The following NRG2 variants were observed in gnomAD, a reference collection of about 807,000 sequenced individuals.
NRG2 encodes the protein pro-neuregulin-2, membrane-bound isoform.
A neutral mutation model predicts 73.9 loss-of-function variants in NRG2; 27 were observed. The ratio of observed to expected loss-of-function variants is 0.37; its 90% CI spans 0.27 to 0.50. The LOEUF is 0.50. NRG2 is among the 20% of genes least tolerant of loss of function. NRG2 has a pLI of 0.96. For missense variants in NRG2, 1,126 were observed against 1,210.1 expected, an observed-to-expected ratio of 0.93 and a Z score of 1.03; for synonymous variants, 532 against 541.0, an observed-to-expected ratio of 0.98 and a Z score of 0.23.
intron 1 of NRG2, among the ~76,000 whole-genome samples, chr5:140,033,623 C>A (rs926073191): frequency 2.0e-5 from 3 of 152,192 alleles, no homozygotes; most frequent in Non-Finnish European, 4.4e-5. Context: ...TCTCTTCTCA[C>A]CACCACCTCC....
At chr5:139,953,847 C>A (rs1413657094) in intron 1 of NRG2, among the ~76,000 whole-genome samples, 2 of 152,132 alleles carry the variant, frequency 1.3e-5, no homozygotes, top group Admixed American at 6.5e-5. Context: ...TCCAAGCCCC[C>A]CATCTGACAA....
chr5:139,996,694 T>C (rs1386335526), intron 1 of NRG2, among the ~76,000 whole-genome samples: 1 of 152,370 alleles, frequency 6.6e-6, no homozygotes, highest in East Asian at 1.9e-4. Context: ...CTGTCTAGTG[T>C]GGTCTTTGCC....
chr5:139,920,478 C>G (rs1223830368), intron 1 of NRG2, among the ~76,000 whole-genome samples: 1 of 151,800 alleles, frequency 6.6e-6, no homozygotes, highest in African/African-American at 2.4e-5. Context: ...CAGTATAAAC[C>G]AGAGAAGGCT....
chr5:139,938,854 G>GAC lies in NRG2; in HGVS notation c.701-51344_701-51343insGT, dbSNP rs1211866493. Reference sequence around the variant, plus strand: ...GACAGTCATATACAGAAAGGGAAGAGAGAGAGAGAGAGAGAGAGAGAGAGA... The same window carrying GAC: ...GACAGTCATATACAGAAAGGGAAGAGACAGAGAGAGAGAGAGAGAGAGAGAGA... On this transcript the variant is annotated intron_variant, in intron 1 of 9. Transcript: ENST00000361474. Among the ~76,000 whole-genome samples, 5 of 78,682 alleles carry GAC rather than the reference G, an allele frequency of 6.4e-5. 1 individual carries two copies. The highest frequency in any genetic ancestry group is 3.5e-4 in the Admixed American group (3 of 8,548). The allele number at this position is 78,682 out of a possible 152,430, so 51.6% of individuals were successfully genotyped here. A position where few individuals can be genotyped will look rare whatever the true frequency, so the allele number is the denominator to read the frequency against.
At chr5:140,003,198 G>C (rs552342716) in intron 1 of NRG2, among the ~76,000 whole-genome samples, 1 of 152,258 alleles carries the variant, frequency 6.6e-6, no homozygotes, top group Admixed American at 6.5e-5. Context: ...TGGGAGTCCT[G>C]ACTAAAGAAA....
At chr5:139,890,296 T>C (rs539945347) in intron 1 of NRG2, among the ~76,000 whole-genome samples, 1 of 152,368 alleles carries the variant, frequency 6.6e-6, no homozygotes, top group South Asian at 2.1e-4. Flanking sequence ...TGCCTGTTCA[T>C]GCATGCAGTC....
At position 139,911,760 on chromosome 5, in the gene NRG2, C is replaced by T. The variant is rs543601812; in HGVS notation, c.701-24249G>A. 2.6e-5 allele frequency among the ~76,000 whole-genome samples: 4 copies of T among 152,302 alleles called. No individual in the cohort carries two copies. In the East Asian group the frequency reaches 7.7e-4, roughly 29 times the overall value. Reference sequence around the variant, plus strand: ...GAGAGGTGGGAGCCTGTCTACCTTCCCCAGGATGGGGGGTGATTCAACCCT... The same window carrying T: ...GAGAGGTGGGAGCCTGTCTACCTTCTCCAGGATGGGGGGTGATTCAACCCT... On this transcript the variant is annotated intron_variant, in intron 1 of 9. Transcript: ENST00000361474.
chr5:139,982,136 C>T (rs1053192064), intron 1 of NRG2, among the ~76,000 whole-genome samples: 1 of 152,182 alleles, frequency 6.6e-6, no homozygotes, highest in Non-Finnish European at 1.5e-5. Context: ...CACACCTCCT[C>T]ACTCTAGGGG....
Position 139,851,955 on chromosome 5 carries a change from C to T in NRG2, c.1545-124G>A, listed in dbSNP as rs1761466127. 2.6e-6 allele frequency: 2 copies of T among 769,552 alleles called. No individual in the cohort carries two copies. The highest frequency in any genetic ancestry group is 3.4e-5 in the South Asian group (2 of 58,068). 47.7% of individuals were successfully genotyped at this position (769,552 alleles called of 1,614,324 possible). ...AGCTCCCTTAGCTCAATGCCCTTCT[C>T]CACTCTGGGGTGATGTGTATTGTTG... is the stretch of plus-strand genomic sequence containing the variant. On this transcript the variant is annotated intron_variant, in intron 8 of 9. Transcript: ENST00000361474. This position sits in a 1 kb window ranked among gnomAD's most constrained non-coding sequence, Gnocchi z 4.2.
intron 2 of NRG2, among the ~76,000 whole-genome samples, chr5:139,882,833 T>A (rs1292183051): frequency 6.6e-6 from 1 of 152,076 alleles, no homozygotes; most frequent in Non-Finnish European, 1.5e-5. Flanking sequence ...AAGGAAGGAT[T>A]CCCCACATGC....
intron 5 of NRG2, chr5:139,861,902 G>C: frequency 4.5e-6 from 2 of 440,542 alleles, no homozygotes; most frequent in Non-Finnish European, 9.2e-6. Flanking sequence ...CACCTGGGAC[G>C]CAAAGAGGAT....
chr5:139,962,916 A>G (rs1755189411), intron 1 of NRG2, among the ~76,000 whole-genome samples: 1 of 152,186 alleles, frequency 6.6e-6, no homozygotes, highest in Non-Finnish European at 1.5e-5. Context: ...GCAGTTAAAC[A>G]TATAACTTCT....
At chr5:139,859,805 AC>A in intron 5 of NRG2, 1 of 1,443,582 alleles carries the variant, frequency 6.9e-7, no homozygotes, top group Non-Finnish European at 9.6e-7. Flanking sequence ...TGGAAAGGAA[AC>A]CAAACATTCA....
chr5:140,035,707 G>A (rs1761454367), intron 1 of NRG2, among the ~76,000 whole-genome samples: 1 of 151,998 alleles, frequency 6.6e-6, no homozygotes. Context: ...TCTGTTAGTT[G>A]GATCAATATC....
chr5:139,990,920 G>C (rs1188238812), intron 1 of NRG2, among the ~76,000 whole-genome samples: 1 of 152,110 alleles, frequency 6.6e-6, no homozygotes, highest in Non-Finnish European at 1.5e-5. Flanking sequence ...TTTGTGTGTT[G>C]CAAAGACCTT....
chr5:139,985,353 A>T (rs1184966355), intron 1 of NRG2, among the ~76,000 whole-genome samples: 2 of 151,936 alleles, frequency 1.3e-5, no homozygotes, highest in Non-Finnish European at 2.9e-5. Flanking sequence ...AAAAAAAAAA[A>T]AAAGTATTTC....
At position 139,913,987 on chromosome 5, in the gene NRG2, T is replaced by C. The variant is rs1014527852; in HGVS notation, c.701-26476A>G. On this transcript the variant is annotated intron_variant, in intron 1 of 9. Coordinates refer to ENST00000361474, the MANE Select transcript of NRG2 (RefSeq NM_004883.3). ...GGGCAGCATGGTGAAACTCTGTCTC[T>C]ACAAAAAAATACAAAAATTAGCCAG... is the stretch of plus-strand genomic sequence containing the variant. 4.0e-5 allele frequency among the ~76,000 whole-genome samples: 6 copies of C among 151,060 alleles called. No individual in the cohort carries two copies. In the South Asian group the frequency reaches 1.3e-3, roughly 32 times the overall value.
chr5:139,978,001 A>C (rs1756505153), intron 1 of NRG2, among the ~76,000 whole-genome samples: 4 of 152,152 alleles, frequency 2.6e-5, no homozygotes, highest in Non-Finnish European at 5.9e-5. Context: ...CTAGAAGAAA[A>C]CCTAGGCAAT....
intron 1 of NRG2, among the ~76,000 whole-genome samples, chr5:140,035,446 T>C (rs1442860454): frequency 6.6e-6 from 1 of 152,272 alleles, no homozygotes; most frequent in Non-Finnish European, 1.5e-5. Flanking sequence ...GGTGACTGTA[T>C]CTGATGCAGC....
Sources: gnomAD v4.1 joint callset for allele counts (sites outside exome capture counted in the v4.1 genomes callset) on GRCh38, gnomAD v4.1.1 for gene constraint, Gnocchi (gnomAD v3.1) non-coding constraint, MANE v1.5 for transcripts, NCBI Gene and HGNC (gene_info 2026-07-23, HGNC 2026-07-21) for gene names.